FOXP2: variants seen among roughly 807,000 people sequenced by gnomAD.
FOXP2 encodes the protein forkhead box protein P2.
A neutral mutation model predicts 115.8 loss-of-function variants in FOXP2; 12 were observed. The observed-to-expected ratio is 0.10, with a 90% CI of 0.07 to 0.17. The LOEUF is 0.17. Among genes scored for constraint, FOXP2 ranks in the 10% least tolerant of loss-of-function variants. FOXP2 has a pLI of 1.00. For missense variants in FOXP2, 629 were observed against 843.5 expected, an observed-to-expected ratio of 0.75 and a Z score of 3.15; for synonymous variants, 328 against 297.7, an observed-to-expected ratio of 1.10 and a Z score of -1.05.
intron 8 of FOXP2, among the ~76,000 whole-genome samples, chr7:114,649,804 A>T (rs1806133878): frequency 6.6e-6 from 1 of 152,030 alleles, no homozygotes; most frequent in Non-Finnish European, 1.5e-5. Context: ...TCAGTAATCC[A>T]CTGGAGGCTG....
At chr7:114,100,104 GA>G (rs1241787711) in intron 1 of FOXP2, among the ~76,000 whole-genome samples, 1 of 151,902 alleles carries the variant, frequency 6.6e-6, no homozygotes, top group Non-Finnish European at 1.5e-5. Context: ...TCTAATATTT[GA>G]AAAAAATTAA....
intron 1 of FOXP2, among the ~76,000 whole-genome samples, chr7:114,120,960 C>T (rs912560776): frequency 1.3e-5 from 2 of 151,868 alleles, no homozygotes; most frequent in Non-Finnish European, 2.9e-5. Flanking sequence ...GGGAAGAATA[C>T]AGGACACCAG....
chr7:114,646,223 G>A (rs1805881501), intron 8 of FOXP2, among the ~76,000 whole-genome samples: 1 of 151,804 alleles, frequency 6.6e-6, no homozygotes, highest in Non-Finnish European at 1.5e-5. Context: ...ATTTTTTTAA[G>A]AATGGCAAAT....
intron 2 of FOXP2, among the ~76,000 whole-genome samples, chr7:114,474,930 G>A (rs905135949): frequency 7.2e-5 from 11 of 151,916 alleles, no homozygotes; most frequent in Non-Finnish European, 4.4e-5. Context: ...ATAAGTCATT[G>A]GTGAGGTGAT....
chr7:114,202,909 C>T (rs1382510953), intron 1 of FOXP2, among the ~76,000 whole-genome samples: 3 of 152,174 alleles, frequency 2.0e-5, no homozygotes. Context: ...ACTGCTTTCT[C>T]TTGATTATCT....
chr7:114,261,857 G>A (rs767054639), intron 1 of FOXP2, among the ~76,000 whole-genome samples: 8 of 151,308 alleles, frequency 5.3e-5, no homozygotes, highest in African/African-American at 9.7e-5. Flanking sequence ...TCAGGAGCTC[G>A]AGACTAGCCT....
intron 1 of FOXP2, among the ~76,000 whole-genome samples, chr7:114,125,188 T>C (rs1466739271): frequency 1.3e-5 from 2 of 152,128 alleles, no homozygotes; most frequent in African/African-American, 4.8e-5. Context: ...TATGATCATC[T>C]TATGTCTAGC....
At chr7:114,146,970 C>A (rs893652519) in intron 1 of FOXP2, among the ~76,000 whole-genome samples, 1 of 152,142 alleles carries the variant, frequency 6.6e-6, no homozygotes, top group Non-Finnish European at 1.5e-5. Flanking sequence ...ATAATCTTAG[C>A]AGTTACAACA....
chr7:114,550,211 G>A (rs1800138452), intron 3 of FOXP2, among the ~76,000 whole-genome samples: 2 of 147,026 alleles, frequency 1.4e-5, no homozygotes, highest in Non-Finnish European at 3.0e-5. Flanking sequence ...TCCGCCTCCT[G>A]GGTTGACGCC....
intron 1 of FOXP2, among the ~76,000 whole-genome samples, chr7:114,234,853 C>A (rs1429226031): frequency 6.6e-6 from 1 of 152,152 alleles, no homozygotes; most frequent in Non-Finnish European, 1.5e-5. Flanking sequence ...CTACCTAGAG[C>A]AGTCTCTTCC....
intron 2 of FOXP2, among the ~76,000 whole-genome samples, chr7:114,368,153 T>A (rs895869278): frequency 6.6e-6 from 1 of 152,206 alleles, no homozygotes; most frequent in Admixed American, 6.5e-5. Flanking sequence ...TAGTCTGAAG[T>A]GACTTTTGAA....
intron 2 of FOXP2, among the ~76,000 whole-genome samples, chr7:114,529,482 CTT>C (rs1248952736): frequency 6.6e-6 from 1 of 151,724 alleles, no homozygotes; most frequent in East Asian, 1.9e-4. Context: ...TTAAAGTACT[CTT>C]ATTATAGTGT....
chr7:114,581,247 A>T (rs973951135), intron 3 of FOXP2, among the ~76,000 whole-genome samples: 1 of 151,512 alleles, frequency 6.6e-6, no homozygotes, highest in Non-Finnish European at 1.5e-5. Flanking sequence ...GCAGTGGCAC[A>T]GTCTCTGCTC....
chr7:114,546,497 T>C, intron 3 of FOXP2, among the ~76,000 whole-genome samples: 1 of 152,252 alleles, frequency 6.6e-6, no homozygotes, highest in East Asian at 1.9e-4. Flanking sequence ...TAGGTTGTTT[T>C]ACATATGCCA....
intron 1 of FOXP2, among the ~76,000 whole-genome samples, chr7:114,216,296 A>G (rs971380818): frequency 6.6e-6 from 1 of 152,146 alleles, no homozygotes; most frequent in African/African-American, 2.4e-5. Context: ...CCAATCAATT[A>G]TACTATGAAT....
At chr7:114,583,471 C>T (rs916206262) in intron 3 of FOXP2, among the ~76,000 whole-genome samples, 1 of 152,118 alleles carries the variant, frequency 6.6e-6, no homozygotes, top group Non-Finnish European at 1.5e-5. Flanking sequence ...TTCTAACCAG[C>T]TCCACCCAAG....
chr7:114,181,803 A>G (rs1466948934), intron 1 of FOXP2, among the ~76,000 whole-genome samples: 1 of 152,110 alleles, frequency 6.6e-6, no homozygotes, highest in African/African-American at 2.4e-5. Context: ...ATAAATGATA[A>G]GAAGTGACTT....
At chr7:114,465,402 G>A (rs894616742) in intron 2 of FOXP2, among the ~76,000 whole-genome samples, 15 of 152,126 alleles carry the variant, frequency 9.9e-5, no homozygotes, top group African/African-American at 3.4e-4. Context: ...AGACAATTTG[G>A]AAGGCATTCA....
At chr7:114,685,424 T>G (rs943115939) in intron 16 of FOXP2, among the ~76,000 whole-genome samples, 3 of 152,166 alleles carry the variant, frequency 2.0e-5, no homozygotes, top group Non-Finnish European at 2.9e-5. Flanking sequence ...ATAAATAATA[T>G]AGTGCTTTGG....
Sources: gnomAD v4.1 joint callset for allele counts (sites outside exome capture counted in the v4.1 genomes callset) on GRCh38, gnomAD v4.1.1 for gene constraint, MANE v1.5 for transcripts, NCBI Gene and HGNC (gene_info 2026-07-23, HGNC 2026-07-21) for gene names.